FANCD2: variants seen among roughly 807,000 people sequenced by gnomAD.
The protein encoded by FANCD2 is FA complementation group D2.
Under a neutral mutation model 192.3 loss-of-function variants are expected in FANCD2, and 131 were observed. The ratio of observed to expected loss-of-function variants is 0.68; its 90% CI spans 0.59 to 0.79. The LOEUF is 0.79. Among genes scored for constraint, FANCD2 ranks in the 30% least tolerant of loss-of-function variants. FANCD2 has a pLI of 0.00. For missense variants in FANCD2, 1,508 were observed against 1,701.6 expected, an observed-to-expected ratio of 0.89 and a Z score of 2.00; for synonymous variants, 524 against 612.5, an observed-to-expected ratio of 0.86 and a Z score of 2.13.
intron 43 of FANCD2, 138 bp from the exon 44 acceptor site, chr3:10,101,050 A>C (rs1695269656): frequency 1.6e-6 from 1 of 623,576 alleles, no homozygotes; most frequent in Admixed American, 2.5e-5. Flanking sequence ...GCCTGGTGAC[A>C]GAGCAAGACT....
intron 20 of FANCD2, 75 bp downstream of exon 20, chr3:10,062,286 C>G (rs2087593867): frequency 1.6e-6 from 2 of 1,231,568 alleles, no homozygotes; most frequent in Non-Finnish European, 2.3e-6. Flanking sequence ...TGTCACCCAA[C>G]CTGCAGTGCA....
chr3:10,041,561 C>T (rs2086863133), intron 9 of FANCD2, 62 bp from the exon 10 acceptor site: 2 of 1,122,218 alleles, frequency 1.8e-6, no homozygotes, highest in Non-Finnish European at 2.7e-6. Flanking sequence ...TTTCTCAAGT[C>T]ATTGTCTGCC....
chr3:10,036,324 A>C lies in FANCD2; in HGVS notation c.476A>C (p.Glu159Ala). The part of the protein sequence containing the change: ...IIKTLFEKLP[E>A]YFFENKNSDE... ...AAAACCTTATTTGAGAAGTTGCCAG[A>C]ATATTTTTTTGAAAAGTAAGTGGCG... Residue 159 changes from glutamate (E) to alanine (A), a missense_variant, in exon 7 of 44, where the codon GAA becomes GCA. Around this residue, in one of 5 missense-constraint regions of FANCD2, gnomAD observed 435 missense variants for 421.9 expected, o/e 1.03. Coordinates refer to ENST00000675286, the MANE Select transcript of FANCD2 (RefSeq NM_001018115.3). 1 of 1,612,986 alleles carries C rather than the reference A, an allele frequency of 6.2e-7. No individual in the cohort carries two copies. Among genetic ancestry groups the C allele is most frequent in the South Asian group, 1.1e-5 (1 of 91,062 alleles).
chr3:10,098,641 C>G (rs528812652), intron 42 of FANCD2, 79 bp from the exon 43 acceptor site: 1 of 1,545,110 alleles, frequency 6.5e-7, no homozygotes, highest in African/African-American at 1.4e-5. Context: ...TTTGTATTGC[C>G]TGTAAACTCA....
At chr3:10,039,246 T>C (rs1423299137) in intron 7 of FANCD2, 33 bp from the exon 8 acceptor site, 6 of 1,521,004 alleles carry the variant, frequency 3.9e-6, no homozygotes, top group Non-Finnish European at 5.5e-6. Flanking sequence ...CCAGAAAGGC[T>C]CAGTTCCCTG....
At chr3:10,074,772 A>G in intron 29 of FANCD2, 99 bp downstream of exon 29, 3 of 1,141,788 alleles carry the variant, frequency 2.6e-6, no homozygotes, top group South Asian at 2.6e-5. Context: ...TGAGGAGAGA[A>G]GTTAGACTGA....
chr3:10,029,898 C>T (rs1248671775), intron 2 of FANCD2, among the ~76,000 whole-genome samples: 1 of 151,954 alleles, frequency 6.6e-6, no homozygotes, highest in Non-Finnish European at 1.5e-5. Flanking sequence ...ATTTTCCAGC[C>T]TCAGTCTCCC....
Position 10,034,463 on chromosome 3 carries a change from G to A in FANCD2, c.206-6G>A, listed in dbSNP as rs1386251857. 2 of 1,609,120 alleles carry A rather than the reference G, an allele frequency of 1.2e-6. No homozygotes were observed. The highest frequency in any genetic ancestry group is 8.5e-7 in the Non-Finnish European group (1 of 1,175,966). ...CTGGTGACCAGCTCTTCTTTTTTCT[G>A]CATAGCTGTGGATCAAATAGCTTTC... On this transcript the variant is annotated splice_polypyrimidine_tract_variant and splice_region_variant and intron_variant, in intron 3 of 43. Coordinates refer to ENST00000675286, the MANE Select transcript of FANCD2 (RefSeq NM_001018115.3).
chr3:10,092,526 G>C (rs778797472), intron 38 of FANCD2, among the ~76,000 whole-genome samples: 3 of 145,550 alleles, frequency 2.1e-5, no homozygotes, highest in Non-Finnish European at 4.5e-5. Context: ...TTTTCACCTT[G>C]CCTTGGATCC....
intron 43 of FANCD2, chr3:10,099,142 T>C: frequency 6.8e-7 from 1 of 1,465,424 alleles, no homozygotes. Context: ...ATTTTCTGAG[T>C]GTTGAGAAGA....
chr3:10,042,559 G>C lies in FANCD2; in HGVS notation c.784G>C (p.Val262Leu). The change falls in exon 11 of 44, where the codon GTT becomes CTT. Residue 262 changes from valine (V) to leucine (L), a missense_variant and splice_region_variant. Val to Leu is a conservative substitution (Grantham distance 32). This residue lies in a region of FANCD2 where 435 missense variants were observed against 421.9 expected (regional missense o/e 1.03). Coordinates refer to ENST00000675286, the MANE Select transcript of FANCD2 (RefSeq NM_001018115.3). ...AAGTTTCTGTGCTTTTAATTTTTAG[G>C]TTCGCCAGTTGGTGATGGATAAGTT... ...LRLDPNFLLK[V>L]RQLVMDKLSS... 1 of 1,612,880 alleles carries C rather than the reference G, an allele frequency of 6.2e-7. No homozygotes were observed. Among genetic ancestry groups the C allele is most frequent in the Non-Finnish European group, 8.5e-7 (1 of 1,178,952 alleles).
At position 10,074,565 on chromosome 3, in the gene FANCD2, A is replaced by G. The variant is rs766286504; in HGVS notation, c.2751A>G (p.Leu917=). 51 of 1,613,858 alleles carry G rather than the reference A, an allele frequency of 3.2e-5. 1 individual carries two copies. In the Middle Eastern group the frequency reaches 1.2e-3, roughly 37 times the overall value. The change falls in exon 29 of 44, where the codon TTA becomes TTG. Residue 917 remains leucine (L), a synonymous_variant. Coordinates refer to ENST00000675286, the MANE Select transcript of FANCD2 (RefSeq NM_001018115.3). ...GGAAGGAAGAAAAGACATCATTGTT[A>G]CTACATAATTCCCATGCTTTTTTCC... ...FTGKEEKTSL[L]LHNSHAFFRE...
intron 43 of FANCD2, among the ~76,000 whole-genome samples, chr3:10,100,405 C>T (rs566582594): frequency 1.3e-5 from 2 of 152,198 alleles, no homozygotes; most frequent in African/African-American, 4.8e-5. Flanking sequence ...ACGGAGTCTC[C>T]CTCTGTCGCC....
chr3:10,043,391 C>T, intron 12 of FANCD2, 93 bp from the exon 13 acceptor site: 2 of 1,007,496 alleles, frequency 2.0e-6, no homozygotes, highest in Non-Finnish European at 1.6e-6. Flanking sequence ...ATGAGGTTGT[C>T]ATTTGCTCCA....
intron 30 of FANCD2, 42 bp from the exon 31 acceptor site, chr3:10,081,058 T>C (rs755335827): frequency 6.2e-7 from 1 of 1,613,234 alleles, no homozygotes; most frequent in Admixed American, 1.7e-5. Context: ...TCTGAGACGC[T>C]ATCCAGCAGT....
intron 18 of FANCD2, among the ~76,000 whole-genome samples, chr3:10,054,604 C>T (rs1225635406): frequency 1.4e-5 from 2 of 145,292 alleles, no homozygotes; most frequent in African/African-American, 5.1e-5. Flanking sequence ...CTGCTTCAGC[C>T]TCCCAAGTAG....
At position 10,101,230 on chromosome 3, in the gene FANCD2, G is replaced by A. The variant is rs757271511; in HGVS notation, c.4324G>A (p.Asp1442Asn). ...AGTAAGTGCTGGAGAAAAGGAGCAA[G>A]ATAGTGATGAGAGTTATGATGACTC... ...DEVSAGEKEQDSDESYDDSD is the reference protein window; with the variant it reads ...DEVSAGEKEQNSDESYDDSD The change falls in exon 44 of 44, where the codon GAT (aspartate) becomes AAT (asparagine). Residue 1442 changes from aspartate to asparagine, a missense_variant. Physicochemically the swap from Asp to Asn is conservative, Grantham distance 23. Around this residue, in one of 5 missense-constraint regions of FANCD2, gnomAD observed 796 missense variants for 879.4 expected, o/e 0.91. Coordinates refer to ENST00000675286, the MANE Select transcript of FANCD2 (RefSeq NM_001018115.3). The A allele has an allele frequency of 2.5e-6, 4 of 1,613,458 alleles. No individual in the cohort carries two copies. In the East Asian group the frequency reaches 8.9e-5, roughly 36 times the overall value.
chr3:10,085,947 A>G, intron 33 of FANCD2, 25 bp downstream of exon 33: 1 of 1,495,516 alleles, frequency 6.7e-7, no homozygotes, highest in Non-Finnish European at 9.3e-7. Flanking sequence ...CATAGCCAAG[A>G]TTGTTGTCCC....
chr3:10,096,262 T>C (rs1694952630), intron 41 of FANCD2, 64 bp from the exon 42 acceptor site: 8 of 1,541,964 alleles, frequency 5.2e-6, no homozygotes, highest in African/African-American at 1.4e-5. Context: ...CAAAGGTTTC[T>C]ATAAGAAATG....
Sources: gnomAD v4.1 joint callset for allele counts (sites outside exome capture counted in the v4.1 genomes callset) on GRCh38, gnomAD v4.1.1 for gene constraint, gnomAD v4.1.1 regional missense constraint, MANE v1.5 for transcripts, NCBI Gene and HGNC (gene_info 2026-07-23, HGNC 2026-07-21) for gene names.